Variants in RALYL observed in about 807,000 individuals in gnomAD.
RALYL encodes RALY RNA binding protein like.
RALYL carries 29 observed loss-of-function variants against 35.1 expected under a neutral mutation model. The ratio of observed to expected loss-of-function variants is 0.83; its 90% CI spans 0.61 to 1.13. RALYL has a LOEUF of 1.13. Ranked by LOEUF, RALYL falls within the 50% of genes most tolerant of loss-of-function variation. RALYL has a pLI of 0.00. For missense variants in RALYL, 359 were observed against 360.4 expected, an observed-to-expected ratio of 1.00 and a Z score of 0.03; for synonymous variants, 120 against 127.6, an observed-to-expected ratio of 0.94 and a Z score of 0.40.
intron 2 of RALYL, among the ~76,000 whole-genome samples, chr8:84,676,541 G>C (rs942887358): frequency 1.3e-5 from 2 of 152,118 alleles, no homozygotes; most frequent in African/African-American, 4.8e-5. Context: ...GAGTCCATGA[G>C]ATAACTGAAT....
intron 1 of RALYL, among the ~76,000 whole-genome samples, chr8:84,282,230 G>A (rs749830829): frequency 2.6e-4 from 40 of 151,228 alleles, no homozygotes; most frequent in Admixed American, 7.2e-4. Context: ...TACATGTAGC[G>A]TTGAAAAATT....
At chr8:84,427,331 A>C (rs1384957045) in intron 1 of RALYL, among the ~76,000 whole-genome samples, 2 of 152,208 alleles carry the variant, frequency 1.3e-5, no homozygotes, top group Non-Finnish European at 2.9e-5. Context: ...TTTAGATAAC[A>C]AAACTGATAA....
chr8:84,625,974 G>A (rs570064231), intron 2 of RALYL, among the ~76,000 whole-genome samples: 1 of 152,060 alleles, frequency 6.6e-6, no homozygotes, highest in Admixed American at 6.5e-5. Context: ...ACGCTAAAAG[G>A]TAATTCAGAG....
chr8:84,526,800 T>C (rs2058934192), intron 1 of RALYL, among the ~76,000 whole-genome samples: 2 of 152,304 alleles, frequency 1.3e-5, no homozygotes, highest in South Asian at 2.1e-4. Flanking sequence ...TGAAATATGT[T>C]TTACAGGCAG....
At chr8:84,778,315 C>G (rs1330142457) in intron 3 of RALYL, among the ~76,000 whole-genome samples, 1 of 152,100 alleles carries the variant, frequency 6.6e-6, no homozygotes, top group Non-Finnish European at 1.5e-5. Context: ...TGAGGCATAA[C>G]TTTGATTTGT....
intron 1 of RALYL, among the ~76,000 whole-genome samples, chr8:84,295,443 T>C (rs1013322751): frequency 7.9e-5 from 12 of 152,080 alleles, no homozygotes; most frequent in Admixed American, 5.2e-4. Context: ...CAGTGAGGAA[T>C]GGTTTTATTT....
intron 1 of RALYL, among the ~76,000 whole-genome samples, chr8:84,233,089 C>T (rs1362482151): frequency 6.6e-6 from 1 of 152,028 alleles, no homozygotes; most frequent in Admixed American, 6.6e-5. Context: ...CTCAAACGAT[C>T]CACCTGCCTT....
rs62528257 is a variant in RALYL at position 84,598,340 on chromosome 8, C to T, written c.256+68763C>T. ...GCCCAGCTTGTACTACAGGTGTGCACCACCATGCCCAGCTCTGTTTCTCAT... is the reference window on the plus strand; with the variant it reads ...GCCCAGCTTGTACTACAGGTGTGCATCACCATGCCCAGCTCTGTTTCTCAT... On this transcript the variant is annotated intron_variant, in intron 2 of 8. Coordinates refer to ENST00000521268, the MANE Select transcript of RALYL (RefSeq NM_173848.7). 7.9e-4 allele frequency among the ~76,000 whole-genome samples: 121 copies of T among 152,218 alleles called. 2 individuals are homozygous for T. The highest frequency in any genetic ancestry group is 1.4e-3 in the Non-Finnish European group (93 of 68,012).
At chr8:84,209,125 CAAAAAAA>C (rs60246316) in intron 1 of RALYL, among the ~76,000 whole-genome samples, 23 of 97,534 alleles carry the variant, frequency 2.4e-4, no homozygotes, top group African/African-American at 5.0e-4. Context: ...ACTCCTCCAC[CAAAAAAA>C]AAAAAAAAAA....
At chr8:84,870,017 A>T (rs1402536399) in intron 6 of RALYL, among the ~76,000 whole-genome samples, 1 of 152,180 alleles carries the variant, frequency 6.6e-6, no homozygotes, top group African/African-American at 2.4e-5. Context: ...CTTATTTTTA[A>T]AAACAAAGAT....
chr8:84,566,475 A>C (rs982550453), intron 2 of RALYL, among the ~76,000 whole-genome samples: 1 of 151,482 alleles, frequency 6.6e-6, no homozygotes, highest in Non-Finnish European at 1.5e-5. Flanking sequence ...AGAGCCACTT[A>C]TTTTCTCTTT....
At chr8:84,538,864 T>C (rs2059801771) in intron 2 of RALYL, among the ~76,000 whole-genome samples, 1 of 152,170 alleles carries the variant, frequency 6.6e-6, no homozygotes, top group Non-Finnish European at 1.5e-5. Flanking sequence ...ACACATCAAG[T>C]GCTACCGGAA....
chr8:84,404,430 CAT>C (rs2132040169), intron 1 of RALYL, among the ~76,000 whole-genome samples: 1 of 152,204 alleles, frequency 6.6e-6, no homozygotes, highest in East Asian at 1.9e-4. Flanking sequence ...TTGAGATAAT[CAT>C]GTGGTTTTTG....
intron 2 of RALYL, among the ~76,000 whole-genome samples, chr8:84,641,211 A>G (rs1259770012): frequency 1.3e-5 from 2 of 151,308 alleles, no homozygotes; most frequent in East Asian, 3.9e-4. Context: ...GTTTATTTTT[A>G]CCTTTTTTAA....
chr8:84,523,880 G>A (rs1187994698), intron 1 of RALYL, among the ~76,000 whole-genome samples: 1 of 151,904 alleles, frequency 6.6e-6, no homozygotes, highest in East Asian at 1.9e-4. Context: ...ATTCCATGTT[G>A]TATATGTGCC....
intron 2 of RALYL, among the ~76,000 whole-genome samples, chr8:84,552,929 T>G (rs1564133175): frequency 6.6e-6 from 1 of 152,006 alleles, no homozygotes; most frequent in Non-Finnish European, 1.5e-5. Context: ...ATAACATGAT[T>G]AAAGATCCTG....
At position 84,529,389 on chromosome 8, in the gene RALYL, T is replaced by A; in HGVS notation, c.68T>A (p.Val23Asp). Residue 23 changes from valine to aspartate, a missense_variant, in exon 2 of 9, where the codon GTT becomes GAT. Physicochemically the swap from Val to Asp is radical, Grantham distance 152 (BLOSUM62 -3). Coordinates refer to ENST00000521268, the MANE Select transcript of RALYL (RefSeq NM_173848.7). ...KNDPKSINSR[V>D]FIGNLNTAIV... ...GACCCCAAGTCCATCAACTCCCGTG[T>A]TTTCATCGGCAATCTAAATACGGCA... The A allele has an allele frequency of 6.2e-7, 1 of 1,610,734 alleles. No individual in the cohort carries two copies. Among genetic ancestry groups the A allele is most frequent in the Non-Finnish European group, 8.5e-7 (1 of 1,178,306 alleles).
At chr8:84,547,386 A>AT (rs377038950) in intron 2 of RALYL, among the ~76,000 whole-genome samples, 7 of 148,816 alleles carry the variant, frequency 4.7e-5, no homozygotes, top group African/African-American at 1.2e-4. Context: ...TATTTTTTTA[A>AT]TTTTTTTTTG....
At chr8:84,370,013 A>C (rs1379179490) in intron 1 of RALYL, among the ~76,000 whole-genome samples, 4 of 152,032 alleles carry the variant, frequency 2.6e-5, no homozygotes, top group African/African-American at 9.7e-5. Flanking sequence ...GTTCATCTTA[A>C]TTCCATCAAT....
Sources: allele counts gnomAD v4.1 joint callset (sites outside exome capture counted in the v4.1 genomes callset), GRCh38; gene constraint gnomAD v4.1.1; transcripts MANE v1.5; gene names NCBI Gene and HGNC (gene_info 2026-07-23, HGNC 2026-07-21).